The following NF1 variants were observed in gnomAD, a reference collection of about 807,000 sequenced individuals.
NF1 encodes the protein neurofibromin.
Under a neutral mutation model 325.7 loss-of-function variants are expected in NF1, and 122 were observed. The observed-to-expected ratio is 0.37, with a 90% CI of 0.32 to 0.44. NF1 has a LOEUF of 0.44. NF1 is among the 20% of genes least tolerant of loss of function. The pLI is 1.00. For missense variants in NF1, 2,140 were observed against 3,415.4 expected, an observed-to-expected ratio of 0.63 and a Z score of 9.31; for synonymous variants, 1,091 against 1,186.0, an observed-to-expected ratio of 0.92 and a Z score of 1.65.
chr17:31,288,606 G>A (rs1452621342), intron 36 of NF1, among the ~76,000 whole-genome samples: 1 of 147,216 alleles, frequency 6.8e-6, no homozygotes, highest in Middle Eastern at 3.5e-3. Flanking sequence ...GCATGATCTC[G>A]GCTTACTGCA....
intron 35 of NF1, among the ~76,000 whole-genome samples, 169 bp downstream of exon 35, chr17:31,262,026 G>A (rs574845533): frequency 9.9e-5 from 15 of 152,248 alleles, no homozygotes; most frequent in African/African-American, 3.6e-4. Context: ...TATATAGGGT[G>A]TGTTTTATTT....
intron 29 of NF1, among the ~76,000 whole-genome samples, chr17:31,246,415 A>G (rs180701775): frequency 2.6e-5 from 4 of 152,396 alleles, no homozygotes; most frequent in Admixed American, 2.6e-4. Context: ...AGGAATCTAC[A>G]GCAATGACGT....
chr17:31,153,773 A>ATT lies in NF1; in HGVS notation c.61-2193_61-2192dup, dbSNP rs529461938. ...TACAGGCACACACTACCAAGCCTAG[A>ATT]TTTTTTTTTTTTTTTTTTAAAGTAA... On this transcript the variant is annotated intron_variant, in intron 1 of 57. Coordinates refer to ENST00000358273, the MANE Select transcript of NF1 (RefSeq NM_001042492.3). Among the ~76,000 whole-genome samples the ATT allele has an allele frequency of 4.0e-5, 5 of 125,814 alleles. No homozygotes were observed. In the South Asian group the frequency reaches 7.6e-4, roughly 19 times the overall value. The allele number at this position is 125,814 out of a possible 152,430, so 82.5% of individuals were successfully genotyped here. A position where few individuals can be genotyped will look rare whatever the true frequency, so the allele number is the denominator to read the frequency against.
In NF1 at chr17:31,349,187, G is replaced by A. The variant is rs1373033155; in HGVS notation, c.7257G>A (p.Leu2419=). The A allele has an allele frequency of 1.9e-6, 3 of 1,613,294 alleles. No individual in the cohort carries two copies. The South Asian group carries it at 3.3e-5, about 18-fold the overall frequency. The part of the protein sequence containing the change: ...TVRILHTLLT[L]VNKHRNCDKF... ...GAATTTTACATACACTACTAACTCT[G>A]GTTAACAAACACAGAAATTGTGACA... Residue 2419 remains leucine (L), a synonymous_variant, in exon 49 of 58, where the codon CTG becomes CTA. Transcript: ENST00000358273.
intron 8 of NF1, among the ~76,000 whole-genome samples, chr17:31,185,387 A>G (rs1399268455): frequency 2.0e-5 from 3 of 152,188 alleles, no homozygotes; most frequent in African/African-American, 7.2e-5. Flanking sequence ...ACACTGGTCT[A>G]TTACATTAAT....
intron 1 of NF1, among the ~76,000 whole-genome samples, chr17:31,150,565 T>C (rs1195621039): frequency 1.3e-5 from 2 of 152,204 alleles, no homozygotes; most frequent in East Asian, 3.8e-4. Context: ...AGCATTTTAC[T>C]CTCAGTTAAT....
chr17:31,338,240 AATATCTT>A, intron 45 of NF1, 101 bp downstream of exon 45: 1 of 838,208 alleles, frequency 1.2e-6, no homozygotes, highest in South Asian at 1.4e-5. Context: ...AGGTCAATGA[AATATCTT>A]ATATGTTACT....
At chr17:31,369,902 C>G (rs1202503544) in intron 57 of NF1, among the ~76,000 whole-genome samples, 1 of 152,094 alleles carries the variant, frequency 6.6e-6, no homozygotes, top group Non-Finnish European at 1.5e-5. Flanking sequence ...GAGAATTATG[C>G]TGAGAAACTT....
At chr17:31,151,060 A>AT in intron 1 of NF1, among the ~76,000 whole-genome samples, 1 of 152,138 alleles carries the variant, frequency 6.6e-6, no homozygotes, top group East Asian at 1.9e-4. Context: ...AAATAAATAA[A>AT]AATACAGTGA....
At chr17:31,304,597 A>G (rs764743176) in intron 36 of NF1, 1 of 1,614,140 alleles carries the variant, frequency 6.2e-7, no homozygotes, top group Non-Finnish European at 8.5e-7. Context: ...TGGTGGAGGC[A>G]GATCTGCATC....
intron 29 of NF1, among the ~76,000 whole-genome samples, chr17:31,247,152 G>A (rs1290987535): frequency 2.0e-5 from 3 of 147,778 alleles, no homozygotes; most frequent in African/African-American, 7.5e-5. Flanking sequence ...CCGAGATTGT[G>A]CCACTGCACT....
chr17:31,172,357 C>G (rs1363102054), intron 5 of NF1, among the ~76,000 whole-genome samples: 7 of 150,146 alleles, frequency 4.7e-5, no homozygotes, highest in South Asian at 2.1e-4. Flanking sequence ...CTCTGTCTCT[C>G]TCTCTCTCTC....
chr17:31,320,366 T>C, intron 36 of NF1: 4 of 1,561,842 alleles, frequency 2.6e-6, no homozygotes, highest in Non-Finnish European at 3.4e-6. Flanking sequence ...AAAAGGCAGA[T>C]TCTTACCTAG....
chr17:31,377,628 C>A lies in NF1; in HGVS notation c.*3473C>A. 1 of 225,720 alleles carries A rather than the reference C, an allele frequency of 4.4e-6. No individual in the cohort carries two copies. The highest frequency in any genetic ancestry group is 8.8e-6 in the Non-Finnish European group (1 of 113,090). The allele number at this position is 225,720 out of a possible 1,614,324, so 14.0% of individuals were successfully genotyped here. A position where few individuals can be genotyped will look rare whatever the true frequency, so the allele number is the denominator to read the frequency against. On this transcript the variant is annotated 3_prime_UTR_variant, in exon 58 of 58. Transcript: ENST00000358273. The stretch of plus-strand genomic sequence containing the variant: ...CATTTTCCTCCTTGTGTATGTACTT[C>A]CCCCACCCCCCTTTTTTTAAGTAAA...
At chr17:31,301,916 A>G (rs910436248) in intron 36 of NF1, among the ~76,000 whole-genome samples, 5 of 152,236 alleles carry the variant, frequency 3.3e-5, no homozygotes, top group African/African-American at 1.2e-4. Context: ...TTCATGAAAT[A>G]AACTTTCTCT....
chr17:31,338,346 GATT>G (rs2069734296), intron 45 of NF1, among the ~76,000 whole-genome samples: 1 of 152,122 alleles, frequency 6.6e-6, no homozygotes, highest in African/African-American at 2.4e-5. Flanking sequence ...TGTAAACTCT[GATT>G]ACTTCATTAA....
At position 31,374,130 on chromosome 17, in the gene NF1, G is replaced by A. The variant is rs587781523; in HGVS notation, c.8495G>A (p.Arg2832His). The change falls in exon 58 of 58, where the codon CGT becomes CAT. Residue 2832 changes from arginine (R) to histidine (H), a missense_variant. Coordinates refer to ENST00000358273, the MANE Select transcript of NF1 (RefSeq NM_001042492.3). ...CAAAGAAGCGCTGGCAGTTTCAAAC[G>A]TAATAGCATTAAGAAGATCGTGTGA... Reference protein sequence around the residue: ...QKQRSAGSFKRNSIKKIV With the variant: ...QKQRSAGSFKHNSIKKIV 19 of 1,613,946 alleles carry A rather than the reference G, an allele frequency of 1.2e-5. No individual in the cohort carries two copies. Among genetic ancestry groups the A allele is most frequent in the South Asian group, 3.3e-5 (3 of 91,090 alleles).
Position 31,201,482 on chromosome 17 carries a change from C to T in NF1, c.1257C>T (p.Thr419=), listed in dbSNP as rs774269651. The change falls in exon 11 of 58, where the codon ACC becomes ACT. Residue 419 remains threonine, a synonymous_variant. Coordinates refer to ENST00000358273, the MANE Select transcript of NF1 (RefSeq NM_001042492.3). ...VLVNSLHRII[T]NSALDWWPKI... ...TAAATTCACTCCATCGAATCATCAC[C>T]AATGTAAGTCCAAAAGGTATTGCTA... is the stretch of plus-strand genomic sequence containing the variant. The T allele has an allele frequency of 6.2e-7, 1 of 1,608,844 alleles. No homozygotes were observed. The highest frequency in any genetic ancestry group is 8.5e-7 in the Non-Finnish European group (1 of 1,176,058).
In NF1 at chr17:31,375,666, T is replaced by C. The variant is rs991853466; in HGVS notation, c.*1511T>C. The C allele has an allele frequency of 1.3e-5, 3 of 232,792 alleles. No individual in the cohort carries two copies. Among genetic ancestry groups the C allele is most frequent in the African/African-American group, 6.6e-5 (3 of 45,322 alleles). 14.4% of individuals were successfully genotyped at this position (232,792 alleles called of 1,614,324 possible). A position where few individuals can be genotyped will look rare whatever the true frequency, so the allele number is the denominator to read the frequency against. On this transcript the variant is annotated 3_prime_UTR_variant, in exon 58 of 58. Coordinates refer to ENST00000358273, the MANE Select transcript of NF1 (RefSeq NM_001042492.3). Reference sequence around the variant, plus strand: ...AAACCTAGGGGAGAGGGGAGTTTCCTGTAGTGCTGTTTCATTAGAGGATTT... The same window carrying C: ...AAACCTAGGGGAGAGGGGAGTTTCCCGTAGTGCTGTTTCATTAGAGGATTT...
Sources: gnomAD v4.1 joint callset for allele counts (sites outside exome capture counted in the v4.1 genomes callset) on GRCh38, gnomAD v4.1.1 for gene constraint, MANE v1.5 for transcripts, NCBI Gene and HGNC (gene_info 2026-07-23, HGNC 2026-07-21) for gene names.